KIF13A: variants seen among roughly 807,000 people sequenced by gnomAD.
KIF13A encodes the protein kinesin-like protein KIF13A.
A neutral mutation model predicts 212.2 loss-of-function variants in KIF13A; 79 were observed. The ratio of observed to expected loss-of-function variants is 0.37; its 90% CI spans 0.31 to 0.45. KIF13A has a LOEUF of 0.45. Ranked by LOEUF, KIF13A falls within the 20% of genes least tolerant of loss-of-function variation. KIF13A has a pLI of 1.00. For synonymous variants in KIF13A, 789 were observed against 808.6 expected, an observed-to-expected ratio of 0.98 and a Z score of 0.41; for missense variants, 1,901 against 2,209.0, an observed-to-expected ratio of 0.86 and a Z score of 2.79.
Position 17,777,292 on chromosome 6 carries a change from T to C in KIF13A, c.4155A>G (p.Thr1385=), listed in dbSNP as rs758244661. The change falls in exon 34 of 39, where the codon ACA becomes ACG. Residue 1385 remains threonine (T), a synonymous_variant. Coordinates refer to ENST00000259711, the MANE Select transcript of KIF13A (RefSeq NM_022113.6). This position sits in a 1 kb window ranked among gnomAD's most constrained non-coding sequence, Gnocchi z 4.4. ...KARHIRRSLS[T]PNVHNVSSSR... ...ATGCACTTACATTATGAACATTTGG[T>C]GTACTGAGGCTCCTCCGAATGTGCC... 1.9e-6 allele frequency: 3 copies of C among 1,612,534 alleles called. No homozygotes were observed. Among genetic ancestry groups the C allele is most frequent in the South Asian group, 2.2e-5 (2 of 90,736 alleles).
chr6:17,781,397 T>C, intron 29 of KIF13A, 96 bp from the exon 30 acceptor site: 1 of 1,277,708 alleles, frequency 7.8e-7, no homozygotes, highest in Non-Finnish European at 1.1e-6. Flanking sequence ...AGTTGAAGTT[T>C]ACACATAACA....
At position 17,963,922 on chromosome 6, in the gene KIF13A, G is replaced by C. The variant is rs1779076284; in HGVS notation, c.146+23132C>G. Reference sequence around the variant, plus strand: ...TATGCAACTGTAAAAACTCAAGAAAGTGTACCCTTAAAATGGGTGCATTTT... The same window carrying C: ...TATGCAACTGTAAAAACTCAAGAAACTGTACCCTTAAAATGGGTGCATTTT... On this transcript the variant is annotated intron_variant, in intron 2 of 38. Coordinates refer to ENST00000259711, the MANE Select transcript of KIF13A (RefSeq NM_022113.6). This position sits in a 1 kb window ranked among gnomAD's most constrained non-coding sequence, Gnocchi z 4.1. Among the ~76,000 whole-genome samples, 1 of 152,296 alleles carries C rather than the reference G, an allele frequency of 6.6e-6. No individual in the cohort carries two copies. The highest frequency in any genetic ancestry group is 6.5e-5 in the Admixed American group (1 of 15,296).
rs1366264134 is a variant in KIF13A at position 17,777,271 on chromosome 6, A to G, written c.4170+6T>C. On this transcript the variant is annotated splice_donor_region_variant and intron_variant, in intron 34 of 38. Coordinates refer to ENST00000259711, the MANE Select transcript of KIF13A (RefSeq NM_022113.6). The surrounding 1 kb of genome is among the most constrained non-coding windows in gnomAD (Gnocchi z 4.4). ...TAGGAGCAGATCCTTGGCAGGATGCACTTACATTATGAACATTTGGTGTAC... is the reference window on the plus strand; with the variant it reads ...TAGGAGCAGATCCTTGGCAGGATGCGCTTACATTATGAACATTTGGTGTAC... The G allele has an allele frequency of 1.9e-6, 3 of 1,608,544 alleles. No homozygotes were observed. The highest frequency in any genetic ancestry group is 1.7e-5 in the Admixed American group (1 of 59,480).
chr6:17,894,996 A>C (rs1442492841), intron 3 of KIF13A, among the ~76,000 whole-genome samples: 2 of 152,212 alleles, frequency 1.3e-5, no homozygotes, highest in African/African-American at 4.8e-5. Context: ...CCAGCTAGGC[A>C]TTTGGATCTT....
intron 2 of KIF13A, among the ~76,000 whole-genome samples, chr6:17,962,539 G>C (rs1778921128): frequency 6.6e-6 from 1 of 152,036 alleles, no homozygotes; most frequent in Non-Finnish European, 1.5e-5. Flanking sequence ...AGCAGCCAGA[G>C]AGGCTCCACT....
At position 17,850,501 on chromosome 6, in the gene KIF13A, G is replaced by C. The variant is rs756018713; in HGVS notation, c.583-44C>G. The stretch of plus-strand genomic sequence containing the variant: ...GAAAAGACCATAAGCAAAAACACAA[G>C]AATGTAGTCCTGCACACCAGGTATA... On this transcript the variant is annotated intron_variant, in intron 7 of 38. Coordinates refer to ENST00000259711, the MANE Select transcript of KIF13A (RefSeq NM_022113.6). This position sits in a 1 kb window ranked among gnomAD's most constrained non-coding sequence, Gnocchi z 6.2. The C allele has an allele frequency of 1.9e-6, 3 of 1,569,688 alleles. No homozygotes were observed. Among genetic ancestry groups the C allele is most frequent in the Non-Finnish European group, 2.6e-6 (3 of 1,155,800 alleles).
At chr6:17,954,525 T>C (rs1425628155) in intron 2 of KIF13A, among the ~76,000 whole-genome samples, 1 of 152,196 alleles carries the variant, frequency 6.6e-6, no homozygotes, top group Non-Finnish European at 1.5e-5. Context: ...AATATAATAT[T>C]AGGCTTCTCT....
intron 9 of KIF13A, among the ~76,000 whole-genome samples, chr6:17,846,388 A>G (rs925279524): frequency 6.6e-6 from 1 of 152,162 alleles, no homozygotes; most frequent in Non-Finnish European, 1.5e-5. Flanking sequence ...AATGCTCTGA[A>G]AAGTATAAAG....
At chr6:17,936,127 A>C (rs560135935) in intron 2 of KIF13A, among the ~76,000 whole-genome samples, 10 of 152,282 alleles carry the variant, frequency 6.6e-5, no homozygotes, top group Non-Finnish European at 1.3e-4. Flanking sequence ...GAGAGGGCTG[A>C]GCCTCTCTTC....
chr6:17,814,564 G>C lies in KIF13A; in HGVS notation c.2000+2456C>G, dbSNP rs1763754147. Among the ~76,000 whole-genome samples, 6 of 39,888 alleles carry C rather than the reference G, an allele frequency of 1.5e-4. No homozygotes were observed. The South Asian group carries it at 7.0e-3, about 47-fold the overall frequency. 26.2% of individuals were successfully genotyped at this position (39,888 alleles called of 152,430 possible). Reference sequence around the variant, plus strand: ...GCCCAGCCAGGTGTTGCTTTTATTAGTACTATTAATTATTATAACACAGGT... The same window carrying C: ...GCCCAGCCAGGTGTTGCTTTTATTACTACTATTAATTATTATAACACAGGT... On this transcript the variant is annotated intron_variant, in intron 17 of 38. Transcript: ENST00000259711.
Position 17,987,071 on chromosome 6 carries a change from G to A in KIF13A, c.129C>T (p.Asn43=). The A allele has an allele frequency of 6.2e-7, 1 of 1,613,328 alleles. No homozygotes were observed. Among genetic ancestry groups the A allele is most frequent in the Non-Finnish European group, 8.5e-7 (1 of 1,179,308 alleles). The part of the protein sequence containing the change: ...NQTVLHPPPS[N]TKQGERKPPK... ...CGCTTTACCTTTCTCCCTGTTTGGT[G>A]TTAGAAGGAGGAGGGTGCAGGACCG... The change falls in exon 2 of 39, where the codon AAC becomes AAT. Residue 43 remains asparagine, a synonymous_variant. Coordinates refer to ENST00000259711, the MANE Select transcript of KIF13A (RefSeq NM_022113.6). The surrounding 1 kb of genome is among the most constrained non-coding windows in gnomAD (Gnocchi z 7.7).
chr6:17,844,939 A>T (rs1766872270), intron 9 of KIF13A, among the ~76,000 whole-genome samples: 1 of 152,170 alleles, frequency 6.6e-6, no homozygotes, highest in African/African-American at 2.4e-5. Context: ...GAAAGTACTC[A>T]AGAAGAAAAA....
intron 23 of KIF13A, among the ~76,000 whole-genome samples, chr6:17,795,582 G>A (rs1761963813): frequency 7.0e-6 from 1 of 142,970 alleles, no homozygotes; most frequent in Non-Finnish European, 1.5e-5. Flanking sequence ...GGGAGACAGA[G>A]CAAGACTCCA....
chr6:17,874,800 C>G (rs189770052), intron 3 of KIF13A, among the ~76,000 whole-genome samples: 102 of 151,796 alleles, frequency 6.7e-4, no homozygotes, highest in Non-Finnish European at 5.4e-4. Flanking sequence ...CCAAACTCCC[C>G]TGTATCATTC....
Position 17,926,746 on chromosome 6 carries a change from A to G in KIF13A, c.147-28566T>C, listed in dbSNP as rs1381862535. On this transcript the variant is annotated intron_variant, in intron 2 of 38. Transcript: ENST00000259711. The surrounding 1 kb of genome is among the most constrained non-coding windows in gnomAD (Gnocchi z 4.3). ...AGAATGTTTAAGTATATTAGGATATATTCAGATGATAAACAACTTGTAGCT... is the reference window on the plus strand; with the variant it reads ...AGAATGTTTAAGTATATTAGGATATGTTCAGATGATAAACAACTTGTAGCT... Among the ~76,000 whole-genome samples the G allele has an allele frequency of 2.0e-5, 3 of 152,218 alleles. No homozygotes were observed. The East Asian group carries it at 5.8e-4, about 29-fold the overall frequency.
chr6:17,765,054 C>T, intron 38 of KIF13A, 108 bp from the exon 39 acceptor site: 3 of 839,468 alleles, frequency 3.6e-6, no homozygotes, highest in South Asian at 3.7e-5. Flanking sequence ...ACATGGTGTT[C>T]AGTGTTTTCT....
Position 17,847,590 on chromosome 6 carries a change from C to T in KIF13A, c.830+1787G>A, listed in dbSNP as rs75479665. Among the ~76,000 whole-genome samples the T allele has an allele frequency of 6.3e-3, 954 of 152,228 alleles. 14 individuals are homozygous for T. Among genetic ancestry groups the T allele is most frequent in the African/African-American group, 0.021 (885 of 41,506 alleles). On this transcript the variant is annotated intron_variant, in intron 9 of 38. Coordinates refer to ENST00000259711, the MANE Select transcript of KIF13A (RefSeq NM_022113.6). ...TACATTTCCTCTTGTCACATTCTGT[C>T]CTAAACGAAACCCTAAGTTATTACA...
chr6:17,765,668 G>A (rs1272349062), intron 38 of KIF13A, among the ~76,000 whole-genome samples: 1 of 152,144 alleles, frequency 6.6e-6, no homozygotes, highest in Admixed American at 6.5e-5. Flanking sequence ...CAGTTTTCAA[G>A]CCCCTGTTCA....
Position 17,843,817 on chromosome 6 carries a change from G to A in KIF13A, c.830+5560C>T, listed in dbSNP as rs1262390536. On this transcript the variant is annotated intron_variant, in intron 9 of 38. Coordinates refer to ENST00000259711, the MANE Select transcript of KIF13A (RefSeq NM_022113.6). The surrounding 1 kb of genome is among the most constrained non-coding windows in gnomAD (Gnocchi z 5.3). ...TCCACCACTTTTGGAGGCCGAGGGG[G>A]GCACATCACCTGAGGTCAGGAGTTT... is the stretch of plus-strand genomic sequence containing the variant. 6.6e-6 allele frequency among the ~76,000 whole-genome samples: 1 copy of A among 152,158 alleles called. No individual in the cohort carries two copies. The highest frequency in any genetic ancestry group is 2.4e-5 in the African/African-American group (1 of 41,432).
Sources: allele counts gnomAD v4.1 joint callset (sites outside exome capture counted in the v4.1 genomes callset), GRCh38; gene constraint gnomAD v4.1.1; non-coding constraint Gnocchi (gnomAD v3.1); transcripts MANE v1.5; gene names NCBI Gene and HGNC (gene_info 2026-07-23, HGNC 2026-07-21).